Variants in THOC2 observed in about 807,000 individuals in gnomAD.
The protein encoded by THOC2 is THO complex 2.
Under a neutral mutation model 128.4 loss-of-function variants are expected in THOC2, and 10 were observed. That is an observed-to-expected ratio of 0.08 (90% CI 0.05 to 0.13). The LOEUF is 0.13. Ranked by LOEUF, THOC2 falls within the 10% of genes least tolerant of loss-of-function variation. The pLI is 1.00. For missense variants in THOC2, 535 were observed against 1,155.7 expected (o/e 0.46, Z 7.79); for synonymous variants, 393 against 396.9 (o/e 0.99, Z 0.12).
chrX:123,611,028 A>G, intron 37 of THOC2, 65 bp from the exon 38 acceptor site: 2 of 1,063,319 alleles, frequency 1.9e-6, no homozygotes. Context: ...CTCCCCTTTT[A>G]GTACAGCACC....
chrX:123,647,214 C>T (rs775172268), intron 12 of THOC2, among the ~76,000 whole-genome samples: 1 of 111,549 alleles, frequency 9.0e-6, no homozygotes, highest in Non-Finnish European at 1.9e-5. Flanking sequence ...CTATCAAAGT[C>T]GAATTATAGC....
At chrX:123,651,730 C>G (rs188281273) in intron 12 of THOC2, among the ~76,000 whole-genome samples, 2,116 of 106,585 alleles carry the variant, frequency 0.02, 18 homozygotes, top group Non-Finnish European at 0.03. Context: ...CATACGCCCC[C>G]CCCCCAAGAC....
intron 4 of THOC2, among the ~76,000 whole-genome samples, chrX:123,702,074 G>A (rs1474427605): frequency 8.9e-6 from 1 of 111,776 alleles, no homozygotes; most frequent in Non-Finnish European, 1.9e-5. Context: ...CTAATTCTAA[G>A]AATTAAGATT....
At chrX:123,702,132 T>C (rs1448533344) in intron 4 of THOC2, among the ~76,000 whole-genome samples, 1 of 111,581 alleles carries the variant, frequency 9.0e-6, no homozygotes, top group African/African-American at 3.3e-5. Context: ...GCAGAGGATG[T>C]CTTATTTTAA....
At chrX:123,682,082 C>T (rs1163666636) in intron 8 of THOC2, among the ~76,000 whole-genome samples, 2 of 111,982 alleles carry the variant, frequency 1.8e-5, no homozygotes, top group African/African-American at 6.5e-5. Flanking sequence ...AAGGAAAATG[C>T]CCTTCCTTTT....
intron 1 of THOC2, among the ~76,000 whole-genome samples, chrX:123,720,389 G>A (rs140075627): frequency 0.015 from 1,657 of 111,025 alleles, 29 homozygotes; most frequent in African/African-American, 0.051. Flanking sequence ...TCAAGGTTAC[G>A]GTGAGCTATG....
intron 17 of THOC2, among the ~76,000 whole-genome samples, chrX:123,638,532 G>A (rs1406560131): frequency 1.8e-5 from 2 of 110,572 alleles, no homozygotes; most frequent in African/African-American, 3.3e-5. Context: ...GGTAGCACAC[G>A]CCTATAATCC....
At chrX:123,611,631 A>G in intron 36 of THOC2, 115 bp from the exon 37 acceptor site, 1 of 451,439 alleles carries the variant, frequency 2.2e-6, no homozygotes, top group Non-Finnish European at 3.7e-6. Context: ...ACTTAACATG[A>G]CACCAAAAGC....
intron 38 of THOC2, among the ~76,000 whole-genome samples, chrX:123,604,793 AAT>A (rs1360299015): frequency 8.9e-6 from 1 of 111,736 alleles, no homozygotes; most frequent in African/African-American, 3.3e-5. Flanking sequence ...CCACCAAAAT[AAT>A]ATATTATTTT....
At chrX:123,632,832 A>G (rs1347860343) in intron 21 of THOC2, 29 bp downstream of exon 21, 1 of 1,136,159 alleles carries the variant, frequency 8.8e-7, no homozygotes, top group South Asian at 1.9e-5. Context: ...AAAAACATGT[A>G]CATAAACATA....
intron 1 of THOC2, among the ~76,000 whole-genome samples, chrX:123,715,147 C>T (rs2051353865): frequency 9.3e-6 from 1 of 107,093 alleles, no homozygotes; most frequent in Admixed American, 1.0e-4. Flanking sequence ...CTCAGCACCA[C>T]CACCCCCCCA....
At position 123,665,865 on chromosome X, in the gene THOC2, A is replaced by C. The variant is rs369786120; in HGVS notation, c.1191-28T>G. On this transcript the variant is annotated intron_variant, in intron 11 of 38. Transcript: ENST00000245838. Reference sequence around the variant, plus strand: ...ATTTTAAAAAGTAAAATAAATAAATAAACAAATAAATAAGTATATAATAAA... The same window carrying C: ...ATTTTAAAAAGTAAAATAAATAAATCAACAAATAAATAAGTATATAATAAA... 4.6e-5 allele frequency: 40 copies of C among 862,220 alleles called. No individual in the cohort carries two copies. The African/African-American group carries it at 6.2e-4, about 13-fold the overall frequency. The allele number at this position is 862,220 out of a possible 1,213,427, so 71.1% of individuals were successfully genotyped here. A position where few individuals can be genotyped will look rare whatever the true frequency, so the allele number is the denominator to read the frequency against.
In THOC2 at chrX:123,600,619, G is replaced by A. The variant is rs1286989005; in HGVS notation, c.*738C>T. On this transcript the variant is annotated 3_prime_UTR_variant, in exon 39 of 39. Transcript: ENST00000245838. ...AAAAAAGGTTACACTGGTAGAATTC[G>A]GCAGATAAAAAAATTCTCTTTTAAA... 1.8e-5 allele frequency: 2 copies of A among 112,115 alleles called. No individual in the cohort carries two copies. Among genetic ancestry groups the A allele is most frequent in the African/African-American group, 3.2e-5 (1 of 30,801 alleles). The allele number at this position is 112,115 out of a possible 1,213,427, so 9.2% of individuals were successfully genotyped here.
chrX:123,732,991 T>C lies in THOC2; in HGVS notation c.32A>G (p.Glu11Gly). 1 of 1,211,669 alleles carries C rather than the reference T, an allele frequency of 8.3e-7. No homozygotes were observed. The highest frequency in any genetic ancestry group is 1.1e-6 in the Non-Finnish European group (1 of 895,442). The change falls in exon 1 of 39, where the codon GAG becomes GGG. Residue 11 changes from glutamate (E) to glycine (G), a missense_variant. By Grantham distance (98) the Glu-to-Gly change is moderately conservative (BLOSUM62 -2). This residue lies in a region of THOC2 where 61 missense variants were observed against 84.3 expected (regional missense o/e 0.72). Coordinates refer to ENST00000245838, the MANE Select transcript of THOC2 (RefSeq NM_001081550.2). MAAAAVVVPA[E>G]WIKNWEKSGR... ...TGATTTCTCCCAGTTCTTTATCCAC[T>C]CTGCGGGAACCACCACAGCCGCGGC...
At chrX:123,655,993 G>A (rs5958280) in intron 12 of THOC2, among the ~76,000 whole-genome samples, 28 of 109,070 alleles carry the variant, frequency 2.6e-4, no homozygotes, top group African/African-American at 9.3e-4. Context: ...ACTCTAGCCT[G>A]GCGACAAAGC....
intron 2 of THOC2, among the ~76,000 whole-genome samples, chrX:123,707,619 G>A (rs2050988897): frequency 9.0e-6 from 1 of 111,103 alleles, no homozygotes; most frequent in African/African-American, 3.3e-5. Flanking sequence ...TTTGGTTTTG[G>A]AGTGGGTAGT....
chrX:123,702,352 A>C (rs1386019359), intron 4 of THOC2, among the ~76,000 whole-genome samples: 2 of 109,053 alleles, frequency 1.8e-5, no homozygotes, highest in Non-Finnish European at 3.8e-5. Flanking sequence ...AAAGCACAAG[A>C]CTGGGCCTAG....
chrX:123,708,704 T>C (rs1569442842), intron 2 of THOC2, among the ~76,000 whole-genome samples: 1 of 111,758 alleles, frequency 8.9e-6, no homozygotes, highest in Admixed American at 9.5e-5. Context: ...AACAATCACA[T>C]TGTAATCCAC....
intron 1 of THOC2, among the ~76,000 whole-genome samples, chrX:123,718,373 C>T (rs886656431): frequency 2.7e-5 from 3 of 112,104 alleles, no homozygotes; most frequent in African/African-American, 9.7e-5. Context: ...CTACACAACA[C>T]TGGTCTGGGC....
Sources: allele counts gnomAD v4.1 joint callset (sites outside exome capture counted in the v4.1 genomes callset), GRCh38; gene constraint gnomAD v4.1.1; regional missense constraint gnomAD v4.1.1; transcripts MANE v1.5; gene names NCBI Gene and HGNC (gene_info 2026-07-23, HGNC 2026-07-21).